TSBP1: variants seen among roughly 807,000 people sequenced by gnomAD.
The protein encoded by TSBP1 is testis-expressed basic protein 1.
A neutral mutation model predicts 68.8 loss-of-function variants in TSBP1; 56 were observed. The observed-to-expected ratio is 0.81, with a 90% CI of 0.66 to 1.02. TSBP1 has a LOEUF of 1.02. Ranked by LOEUF, TSBP1 falls within the 50% of genes least tolerant of loss-of-function variation. TSBP1 has a pLI of 0.00. For missense variants in TSBP1, 502 were observed against 641.2 expected (o/e 0.78, Z 2.34); for synonymous variants, 171 against 208.7 (o/e 0.82, Z 1.56).
rs1221189669 is a variant in TSBP1 at position 32,321,549 on chromosome 6, G to A, written c.559+1568C>T. On this transcript the variant is annotated intron_variant, in intron 18 of 22. Transcript: ENST00000612031. The surrounding 1 kb of genome is among the most constrained non-coding windows in gnomAD (Gnocchi z 4.3). ...GATTTTGCAGCCTCATCTCTGGGTC[G>A]GAACCATTGTCTCTGTATTTTTATC... 4.6e-5 allele frequency among the ~76,000 whole-genome samples: 7 copies of A among 152,102 alleles called. No individual in the cohort carries two copies. Among genetic ancestry groups the A allele is most frequent in the African/African-American group, 9.7e-5 (4 of 41,398 alleles).
At chr6:32,328,138 C>T (rs762529182) in intron 16 of TSBP1, among the ~76,000 whole-genome samples, 3 of 151,914 alleles carry the variant, frequency 2.0e-5, no homozygotes, top group Non-Finnish European at 2.9e-5. Context: ...GGCGCGGTTT[C>T]ATCATGTTGG....
Position 32,361,193 on chromosome 6 carries a change from T to A in TSBP1, c.217+4974A>T, listed in dbSNP as rs1232076323. On this transcript the variant is annotated intron_variant, in intron 6 of 22. Coordinates refer to ENST00000612031, the Ensembl canonical transcript of TSBP1. The surrounding 1 kb of genome is among the most constrained non-coding windows in gnomAD (Gnocchi z 4.3). ...TGGTTTCCAGCTTCATCCATGTCCCTACAAAGGACATGAACTCATCATTTT... is the reference window on the plus strand; with the variant it reads ...TGGTTTCCAGCTTCATCCATGTCCCAACAAAGGACATGAACTCATCATTTT... Among the ~76,000 whole-genome samples the A allele has an allele frequency of 6.6e-6, 1 of 152,190 alleles. No homozygotes were observed. Among genetic ancestry groups the A allele is most frequent in the Non-Finnish European group, 1.5e-5 (1 of 68,032 alleles).
chr6:32,349,268 C>A (rs980576371), intron 9 of TSBP1, among the ~76,000 whole-genome samples: 1 of 150,702 alleles, frequency 6.6e-6, no homozygotes, highest in Non-Finnish European at 1.5e-5. Flanking sequence ...GAGCACCAAA[C>A]CCTTAGTGTC....
At chr6:32,345,684 G>T (rs4959026) in intron 9 of TSBP1, among the ~76,000 whole-genome samples, 51,169 of 152,042 alleles carry the variant, frequency 0.34, 9,672 homozygotes, top group Middle Eastern at 0.52. Context: ...GTCCTTATCT[G>T]TTTATACATG....
At chr6:32,301,043 A>AT (rs1366018373) in intron 20 of TSBP1, among the ~76,000 whole-genome samples, 2 of 151,760 alleles carry the variant, frequency 1.3e-5, no homozygotes, top group Non-Finnish European at 2.9e-5. Context: ...TTTTTAATAT[A>AT]TTTTTTTGAG....
At position 32,366,007 on chromosome 6, in the gene TSBP1, C is replaced by T. The variant is rs4713521; in HGVS notation, c.217+160G>A. On this transcript the variant is annotated intron_variant, in intron 6 of 22. Coordinates refer to ENST00000612031, the Ensembl canonical transcript of TSBP1. ...CTTTGGGGAAAATGGTGCCTCATAG[C>T]GTGATGGTGAACATTTGTGAACATT... 7,876 of 1,119,974 alleles carry T rather than the reference C, an allele frequency of 7.0e-3. 132 individuals carry two copies. Among genetic ancestry groups the T allele is most frequent in the South Asian group, 0.018 (1,315 of 74,788 alleles). The allele number at this position is 1,119,974 out of a possible 1,614,324, so 69.4% of individuals were successfully genotyped here.
intron 6 of TSBP1, among the ~76,000 whole-genome samples, chr6:32,364,529 T>C (rs1186045966): frequency 6.6e-6 from 1 of 151,980 alleles, no homozygotes; most frequent in Non-Finnish European, 1.5e-5. Context: ...TTCCTTTTTG[T>C]TTTAGTTTAG....
At chr6:32,369,918 A>G (rs753364801) in exon 2 of TSBP1, 5 of 1,609,508 alleles carry the variant, frequency 3.1e-6, no homozygotes, top group East Asian at 4.5e-5. Context: ...CATCGTGCCC[A>G]TCTTGTTAAC....
At chr6:32,313,583 T>C (rs1018434) in intron 19 of TSBP1, among the ~76,000 whole-genome samples, 32,034 of 151,886 alleles carry the variant, frequency 0.21, 3,586 homozygotes, top group East Asian at 0.22. Context: ...GTATCACTCA[T>C]ATGGTGCTGG....
Position 32,336,537 on chromosome 6 carries a change from G to T in TSBP1, c.430+78C>A. The T allele has an allele frequency of 3.4e-6, 4 of 1,165,752 alleles. No homozygotes were observed. The highest frequency in any genetic ancestry group is 2.0e-5 in the Admixed American group (1 of 50,798). 72.2% of individuals were successfully genotyped at this position (1,165,752 alleles called of 1,614,324 possible). A position where few individuals can be genotyped will look rare whatever the true frequency, so the allele number is the denominator to read the frequency against. ...AAAAGTTGAAATTATTTTTAAAAAT[G>T]CAGGGCAGATCAGGCCCCAAGACCT... On this transcript the variant is annotated intron_variant, in intron 12 of 22. Transcript: ENST00000612031. This position sits in a 1 kb window ranked among gnomAD's most constrained non-coding sequence, Gnocchi z 5.2.
In TSBP1 at chr6:32,306,086, C is replaced by T. The variant is rs543253638; in HGVS notation, c.581-3457G>A. ...GACAGTGAAACAGCAAAATAACTAACATGAACTCTTTTTTTGTTTAAAGGA... is the reference window on the plus strand; with the variant it reads ...GACAGTGAAACAGCAAAATAACTAATATGAACTCTTTTTTTGTTTAAAGGA... On this transcript the variant is annotated intron_variant, in intron 19 of 22. Transcript: ENST00000612031. This position sits in a 1 kb window ranked among gnomAD's most constrained non-coding sequence, Gnocchi z 5.1. Among the ~76,000 whole-genome samples the T allele has an allele frequency of 6.6e-6, 1 of 152,282 alleles. No individual in the cohort carries two copies. The highest frequency in any genetic ancestry group is 2.1e-4 in the South Asian group (1 of 4,830).
chr6:32,307,773 G>A (rs1028650217), intron 19 of TSBP1, among the ~76,000 whole-genome samples: 10 of 148,196 alleles, frequency 6.7e-5, no homozygotes, highest in Non-Finnish European at 1.3e-4. Context: ...GTTGTTAATT[G>A]CCTGGTTTTT....
chr6:32,362,390 AG>A (rs1773164372), intron 6 of TSBP1, among the ~76,000 whole-genome samples: 2 of 151,788 alleles, frequency 1.3e-5, no homozygotes, highest in Non-Finnish European at 2.9e-5. Flanking sequence ...GAGAGTCCCC[AG>A]TAGCAAGAAG....
intron 16 of TSBP1, among the ~76,000 whole-genome samples, chr6:32,329,136 T>C (rs1329832923): frequency 1.3e-5 from 2 of 152,220 alleles, no homozygotes; most frequent in Non-Finnish European, 2.9e-5. Context: ...AAATCGCTTA[T>C]AACTTAGGGG....
intron 22 of TSBP1, among the ~76,000 whole-genome samples, chr6:32,296,527 T>C (rs1235095586): frequency 6.6e-6 from 1 of 152,224 alleles, no homozygotes; most frequent in East Asian, 1.9e-4. Flanking sequence ...CATTGCTAAA[T>C]TGAGAAAAAT....
At position 32,315,007 on chromosome 6, in the gene TSBP1, G is replaced by A. The variant is rs114157707; in HGVS notation, c.580+765C>T. 0.012 allele frequency among the ~76,000 whole-genome samples: 1,882 copies of A among 152,250 alleles called. 19 individuals carry two copies. Among genetic ancestry groups the A allele is most frequent in the Middle Eastern group, 0.031 (9 of 294 alleles). Reference sequence around the variant, plus strand: ...ACCTGCCTGGGCTCTTTTGGCATCTGCGTTTTTAACCTTGACAGGAACTTT... The same window carrying A: ...ACCTGCCTGGGCTCTTTTGGCATCTACGTTTTTAACCTTGACAGGAACTTT... On this transcript the variant is annotated intron_variant, in intron 19 of 22. Coordinates refer to ENST00000612031, the Ensembl canonical transcript of TSBP1. This position sits in a 1 kb window ranked among gnomAD's most constrained non-coding sequence, Gnocchi z 5.4.
intron 14 of TSBP1, chr6:32,334,072 A>G (rs1769364710): frequency 1.1e-5 from 2 of 179,442 alleles, no homozygotes; most frequent in East Asian, 1.8e-4. Flanking sequence ...AAATCCTTGG[A>G]TAGGTGATCA....
chr6:32,363,292 T>C (rs6934200), intron 6 of TSBP1, among the ~76,000 whole-genome samples: 51,148 of 151,934 alleles, frequency 0.34, 9,661 homozygotes, highest in Middle Eastern at 0.52. Context: ...ACAGGCAGCA[T>C]AGATAGTTGC....
intron 8 of TSBP1, among the ~76,000 whole-genome samples, chr6:32,353,998 C>A (rs1042374758): frequency 3.0e-4 from 45 of 151,906 alleles, no homozygotes; most frequent in African/African-American, 1.1e-3. Context: ...TAGATAAAAT[C>A]TTTGTGATAC....
Sources: allele counts gnomAD v4.1 joint callset (sites outside exome capture counted in the v4.1 genomes callset), GRCh38; gene constraint gnomAD v4.1.1; non-coding constraint Gnocchi (gnomAD v3.1); transcripts MANE v1.5; gene names NCBI Gene and HGNC (gene_info 2026-07-23, HGNC 2026-07-21).